RNGTT: variants seen among roughly 807,000 people sequenced by gnomAD.
RNGTT encodes mRNA-capping enzyme.
RNGTT carries 33 observed loss-of-function variants against 79.3 expected under a neutral mutation model. The observed-to-expected ratio is 0.42, with a 90% CI of 0.32 to 0.56. The LOEUF is 0.56. Ranked by LOEUF, RNGTT falls within the 20% of genes least tolerant of loss-of-function variation. The pLI is 0.17. For missense variants in RNGTT, 497 were observed against 739.1 expected, an observed-to-expected ratio of 0.67 and a Z score of 3.80; for synonymous variants, 222 against 235.9, an observed-to-expected ratio of 0.94 and a Z score of 0.54.
intron 1 of RNGTT, among the ~76,000 whole-genome samples, chr6:88,955,897 G>A (rs536998648): frequency 4.1e-4 from 62 of 151,586 alleles, no homozygotes; most frequent in African/African-American, 1.3e-3. Flanking sequence ...AAAATTAGCC[G>A]GGTGTGGTGG....
chr6:88,648,259 G>T (rs1021312790), intron 14 of RNGTT, among the ~76,000 whole-genome samples: 1 of 152,042 alleles, frequency 6.6e-6, no homozygotes, highest in African/African-American at 2.4e-5. Context: ...AGTTTTTTAA[G>T]CTGGGGCCTA....
intron 14 of RNGTT, among the ~76,000 whole-genome samples, chr6:88,629,129 GT>G (rs1772748514): frequency 6.6e-6 from 1 of 152,166 alleles, no homozygotes; most frequent in South Asian, 2.1e-4. Flanking sequence ...TCAAAAGTGG[GT>G]AGGGAAAAGG....
intron 14 of RNGTT, among the ~76,000 whole-genome samples, chr6:88,661,555 A>C (rs1443745248): frequency 6.6e-6 from 1 of 152,210 alleles, no homozygotes; most frequent in Admixed American, 6.5e-5. Context: ...CTTCAGGCAC[A>C]CAAACTAGAA....
At chr6:88,857,765 T>C (rs369366354) in intron 8 of RNGTT, among the ~76,000 whole-genome samples, 2 of 152,174 alleles carry the variant, frequency 1.3e-5, no homozygotes, top group East Asian at 1.9e-4. Context: ...ATCGTAAATA[T>C]AGAGTAAAGC....
intron 13 of RNGTT, among the ~76,000 whole-genome samples, chr6:88,694,692 A>G (rs968165892): frequency 6.6e-6 from 1 of 152,214 alleles, no homozygotes; most frequent in Non-Finnish European, 1.5e-5. Flanking sequence ...CTAATTTCAA[A>G]CTGTATTACA....
intron 13 of RNGTT, among the ~76,000 whole-genome samples, chr6:88,690,948 ATAT>A (rs749958233): frequency 6.6e-6 from 1 of 152,124 alleles, no homozygotes; most frequent in Non-Finnish European, 1.5e-5. Context: ...CCTATATATA[ATAT>A]TATACACCAA....
At chr6:88,821,341 C>A (rs1393845384) in intron 11 of RNGTT, among the ~76,000 whole-genome samples, 8 of 152,074 alleles carry the variant, frequency 5.3e-5, no homozygotes, top group Non-Finnish European at 1.2e-4. Flanking sequence ...TGCTTAGAAA[C>A]ACTAAAGAAA....
chr6:88,945,610 G>A (rs1256161833), intron 1 of RNGTT, among the ~76,000 whole-genome samples: 1 of 152,032 alleles, frequency 6.6e-6, no homozygotes, highest in Non-Finnish European at 1.5e-5. Context: ...CTCTCTCTAC[G>A]GTCTCTGCCT....
chr6:88,677,088 T>C (rs1320045110), intron 14 of RNGTT, among the ~76,000 whole-genome samples: 2 of 152,208 alleles, frequency 1.3e-5, no homozygotes, highest in South Asian at 2.1e-4. Context: ...ACCAACCTGA[T>C]ACTTGGCAAC....
chr6:88,700,003 G>A (rs1775891592), intron 13 of RNGTT, among the ~76,000 whole-genome samples: 1 of 152,028 alleles, frequency 6.6e-6, no homozygotes, highest in South Asian at 2.1e-4. Flanking sequence ...TGAAAATAGT[G>A]GCAGGAAATT....
intron 13 of RNGTT, among the ~76,000 whole-genome samples, chr6:88,698,260 A>AAATATATATATGATATATATTTC (rs1562202296): frequency 3.1e-4 from 30 of 95,414 alleles, no homozygotes; most frequent in African/African-American, 2.8e-3. Context: ...TATATATATA[A>AAATATATATATGATATATATTTC]ATATATATGA....
chr6:88,861,341 T>C (rs1177973741), intron 8 of RNGTT, among the ~76,000 whole-genome samples: 2 of 152,160 alleles, frequency 1.3e-5, no homozygotes, highest in African/African-American at 4.8e-5. Context: ...CACCAACACC[T>C]GTCATGTGTT....
intron 13 of RNGTT, chr6:88,714,475 C>T (rs1582371662): frequency 1.1e-5 from 1 of 88,072 alleles, no homozygotes; most frequent in African/African-American, 1.8e-4. Context: ...CGGAGTCTCG[C>T]TCTGTCGCCC....
At chr6:88,887,410 T>A (rs921735133) in intron 8 of RNGTT, among the ~76,000 whole-genome samples, 18 of 152,132 alleles carry the variant, frequency 1.2e-4, no homozygotes, top group Non-Finnish European at 2.6e-4. Context: ...AGAAAGTCCC[T>A]CTTCCATGCT....
At chr6:88,630,058 G>C (rs754697094) in intron 14 of RNGTT, among the ~76,000 whole-genome samples, 24 of 152,228 alleles carry the variant, frequency 1.6e-4, no homozygotes, top group Non-Finnish European at 7.4e-5. Flanking sequence ...CGGCAACCCT[G>C]AGTTCCTGTG....
intron 6 of RNGTT, among the ~76,000 whole-genome samples, chr6:88,898,356 T>G (rs1383852621): frequency 3.3e-5 from 5 of 152,212 alleles, no homozygotes; most frequent in Non-Finnish European, 7.3e-5. Flanking sequence ...ATTTCTTTTG[T>G]CTTTTCATGC....
intron 11 of RNGTT, among the ~76,000 whole-genome samples, chr6:88,822,009 C>T (rs894416930): frequency 8.6e-5 from 13 of 152,024 alleles, no homozygotes; most frequent in Non-Finnish European, 1.8e-4. Flanking sequence ...AGCTGATAAA[C>T]TTCAAATTTT....
At chr6:88,833,787 G>T (rs1780962928) in intron 11 of RNGTT, among the ~76,000 whole-genome samples, 1 of 152,172 alleles carries the variant, frequency 6.6e-6, no homozygotes, top group Non-Finnish European at 1.5e-5. Context: ...ACTTTGGGAG[G>T]CCGAGGCAGG....
chr6:88,886,088 G>A (rs1291335868), intron 8 of RNGTT, among the ~76,000 whole-genome samples: 3 of 152,162 alleles, frequency 2.0e-5, no homozygotes, highest in African/African-American at 4.8e-5. Context: ...GGCGGATCAC[G>A]ACGTCAGGAG....
Sources: allele counts gnomAD v4.1 joint callset (sites outside exome capture counted in the v4.1 genomes callset), GRCh38; gene constraint gnomAD v4.1.1; transcripts MANE v1.5; gene names NCBI Gene and HGNC (gene_info 2026-07-23, HGNC 2026-07-21).